ATP2B4: variants seen among roughly 807,000 people sequenced by gnomAD.
The protein encoded by ATP2B4 is ATPase plasma membrane Ca2+ transporting 4.
ATP2B4 carries 39 observed loss-of-function variants against 110.3 expected under a neutral mutation model. That is an observed-to-expected ratio of 0.35 (90% confidence interval 0.27 to 0.46). The LOEUF (loss-of-function observed/expected upper bound fraction) is 0.46, where lower values mean the gene tolerates loss of function less well. Among genes scored for constraint, ATP2B4 ranks in the 20% least tolerant of loss-of-function variants. The pLI is 1.00. For missense variants in ATP2B4, 1,135 were observed against 1,530.9 expected (o/e 0.74, Z 4.32); for synonymous variants, 538 against 571.7 (o/e 0.94, Z 0.84).
rs2102385789 is a variant in ATP2B4 at position 203,700,340 on chromosome 1, C to A, written c.775+9C>A. The A allele has an allele frequency of 6.2e-7, 1 of 1,606,450 alleles. No homozygotes were observed. Among genetic ancestry groups the A allele is most frequent in the Non-Finnish European group, 8.5e-7 (1 of 1,176,592 alleles). ...CCCCATGTTGCTCTCAGGTATAGGC[C>A]CTGGCTGCCCAAGTTCCCATTTACC... On this transcript the variant is annotated intron_variant, in intron 5 of 20. Transcript: ENST00000357681.
chr1:203,707,106 T>G lies in ATP2B4; in HGVS notation c.1197T>G (p.Thr399=), dbSNP rs765714077. 6.2e-7 allele frequency: 1 copy of G among 1,614,166 alleles called. No homozygotes were observed. The highest frequency in any genetic ancestry group is 8.5e-7 in the Non-Finnish European group (1 of 1,180,012). The part of the protein sequence containing the change: ...INRRPWLPEC[T]PIYIQYFVKF... ...GCAGACCATGGCTCCCTGAGTGTAC[T>G]CCCATCTACATCCAGTACTTTGTCA... The change falls in exon 9 of 21, where the codon ACT becomes ACG. Residue 399 remains threonine, a synonymous_variant. Coordinates refer to ENST00000357681, the MANE Select transcript of ATP2B4 (RefSeq NM_001684.5).
intron 1 of ATP2B4, among the ~76,000 whole-genome samples, chr1:203,666,435 A>G (rs902854208): frequency 6.6e-6 from 1 of 152,148 alleles, no homozygotes; most frequent in African/African-American, 2.4e-5. Context: ...TCCACACATC[A>G]CTTCTGGGGA....
At chr1:203,732,527 G>A (rs1312661519) in intron 20 of ATP2B4, among the ~76,000 whole-genome samples, 2 of 152,048 alleles carry the variant, frequency 1.3e-5, no homozygotes, top group Non-Finnish European at 2.9e-5. Context: ...TGGCCCAGGG[G>A]TCTTTCCATC....
intron 2 of ATP2B4, among the ~76,000 whole-genome samples, chr1:203,684,502 T>C (rs1665118118): frequency 6.6e-6 from 1 of 151,886 alleles, no homozygotes; most frequent in South Asian, 2.1e-4. Context: ...ACTACAGGTG[T>C]GTGCACCACC....
chr1:203,656,677 A>C (rs4322289), intron 1 of ATP2B4, among the ~76,000 whole-genome samples: 140,713 of 152,250 alleles, frequency 0.92, 65,943 homozygotes, highest in Non-Finnish European at 1. Context: ...AGGCATTTTC[A>C]ACGGAACTGG....
At chr1:203,713,367 A>C in intron 14 of ATP2B4, 115 bp downstream of exon 14, 2 of 1,107,308 alleles carry the variant, frequency 1.8e-6, no homozygotes, top group Non-Finnish European at 2.7e-6. Flanking sequence ...GTCCTAGGAG[A>C]GCTCCCAGGC....
At chr1:203,700,142 A>G in intron 4 of ATP2B4, 64 bp from the exon 5 acceptor site, 1 of 1,559,660 alleles carries the variant, frequency 6.4e-7, no homozygotes, top group Non-Finnish European at 8.7e-7. Context: ...GAGTTGGAGG[A>G]CCCTACCCTC....
chr1:203,722,304 A>T (rs1666360468), intron 17 of ATP2B4, among the ~76,000 whole-genome samples, 174 bp from the exon 18 acceptor site: 1 of 152,180 alleles, frequency 6.6e-6, no homozygotes, highest in African/African-American at 2.4e-5. Context: ...ACTGCGCTCC[A>T]GCCTGGGTGA....
In ATP2B4 at chr1:203,700,604, A is replaced by G. The variant is rs1665661848; in HGVS notation, c.776-194A>G. On this transcript the variant is annotated intron_variant, in intron 5 of 20. Coordinates refer to ENST00000357681, the MANE Select transcript of ATP2B4 (RefSeq NM_001684.5). ...GGCTTACCCTAAAGCGGTTAGACAC[A>G]TTTTCCTCCTTACTCCCAATTTGTC... 1.3e-5 allele frequency among the ~76,000 whole-genome samples: 2 copies of G among 152,082 alleles called. 1 individual carries two copies. The highest frequency in any genetic ancestry group is 4.1e-4 in the South Asian group (2 of 4,824).
intron 2 of ATP2B4, among the ~76,000 whole-genome samples, chr1:203,685,644 A>T (rs6594007): frequency 1.3e-5 from 2 of 152,014 alleles, no homozygotes; most frequent in Non-Finnish European, 2.9e-5. Context: ...TGTTTTCTTT[A>T]CTTCTAGAAT....
At chr1:203,662,092 G>A (rs1290976013) in intron 1 of ATP2B4, among the ~76,000 whole-genome samples, 3 of 150,904 alleles carry the variant, frequency 2.0e-5, no homozygotes, top group South Asian at 2.1e-4. Context: ...GCAGTGGCAC[G>A]ATCTCACTGC....
Position 203,629,738 on chromosome 1 carries a change from C to T in ATP2B4, c.-465+2519C>T, listed in dbSNP as rs1349388574. Among the ~76,000 whole-genome samples the T allele has an allele frequency of 6.6e-6, 1 of 152,200 alleles. No individual in the cohort carries two copies. Among genetic ancestry groups the T allele is most frequent in the African/African-American group, 2.4e-5 (1 of 41,446 alleles). On this transcript the variant is annotated intron_variant, in intron 1 of 20. Coordinates refer to ENST00000357681, the MANE Select transcript of ATP2B4 (RefSeq NM_001684.5). This position sits in a 1 kb window ranked among gnomAD's most constrained non-coding sequence, Gnocchi z 4.6. ...CGAGCGGCGAACGGAGGCTTCCTGC[C>T]TCCCAGGTTGTGCCGAGCCTCAGAC...
At chr1:203,631,699 C>T (rs946331456) in intron 1 of ATP2B4, among the ~76,000 whole-genome samples, 8 of 152,164 alleles carry the variant, frequency 5.3e-5, no homozygotes, top group Non-Finnish European at 8.8e-5. Context: ...AACAAAGCTA[C>T]GTACACATTT....
At chr1:203,663,788 G>C (rs527292026) in intron 1 of ATP2B4, among the ~76,000 whole-genome samples, 1 of 152,020 alleles carries the variant, frequency 6.6e-6, no homozygotes, top group African/African-American at 2.4e-5. Context: ...ATTTTTTGTA[G>C]AGACGGTGTC....
chr1:203,656,563 C>T (rs1664170033), intron 1 of ATP2B4, among the ~76,000 whole-genome samples: 1 of 152,214 alleles, frequency 6.6e-6, no homozygotes, highest in Non-Finnish European at 1.5e-5. Context: ...GTAAACTTAA[C>T]ATCTGTATTA....
Position 203,721,480 on chromosome 1 carries a change from G to A in ATP2B4, c.2812+70G>A, listed in dbSNP as rs12083824. ...GGTGGGGGCAGAGAAAGAAGGTAGCGTGAGAGCAAGTGCACAGGTCAGGAA... is the reference window on the plus strand; with the variant it reads ...GGTGGGGGCAGAGAAAGAAGGTAGCATGAGAGCAAGTGCACAGGTCAGGAA... On this transcript the variant is annotated intron_variant, in intron 17 of 20. Transcript: ENST00000357681. 6,577 of 1,462,224 alleles carry A rather than the reference G, an allele frequency of 4.5e-3. 219 individuals are homozygous for A. The African/African-American group carries it at 0.074, about 17-fold the overall frequency. 90.6% of individuals were successfully genotyped at this position (1,462,224 alleles called of 1,614,324 possible).
intron 2 of ATP2B4, among the ~76,000 whole-genome samples, chr1:203,688,606 C>T (rs1184010543): frequency 6.6e-6 from 1 of 152,068 alleles, no homozygotes. Context: ...GCAGCCTCAG[C>T]CCAATGTTTT....
At chr1:203,719,272 A>G (rs1666251647) in intron 15 of ATP2B4, among the ~76,000 whole-genome samples, 1 of 151,104 alleles carries the variant, frequency 6.6e-6, no homozygotes, top group South Asian at 2.1e-4. Flanking sequence ...ACATGGTTCT[A>G]AAGTCAAATG....
At chr1:203,718,337 C>T (rs553668908) in intron 15 of ATP2B4, among the ~76,000 whole-genome samples, 2 of 151,956 alleles carry the variant, frequency 1.3e-5, no homozygotes, top group African/African-American at 2.4e-5. Flanking sequence ...CTCACTCTGT[C>T]GCCCAGGCTG....
Sources: gnomAD v4.1 joint callset for allele counts (sites outside exome capture counted in the v4.1 genomes callset) on GRCh38, gnomAD v4.1.1 for gene constraint, Gnocchi (gnomAD v3.1) non-coding constraint, MANE v1.5 for transcripts, NCBI Gene and HGNC (gene_info 2026-07-23, HGNC 2026-07-21) for gene names.